SOX5: variants seen among roughly 807,000 people sequenced by gnomAD.
SOX5 encodes the protein transcription factor SOX-5.
SOX5 carries 9 observed loss-of-function variants against 92.0 expected under a neutral mutation model. That is an observed-to-expected ratio of 0.10 (90% CI 0.06 to 0.17). The LOEUF (loss-of-function observed/expected upper bound fraction) is 0.17, where lower values mean the gene tolerates loss of function less well. Among genes scored for constraint, SOX5 ranks in the 10% least tolerant of loss-of-function variants. The pLI is 1.00. For synonymous variants in SOX5, 344 were observed against 336.3 expected, an observed-to-expected ratio of 1.02 and a Z score of -0.25; for missense variants, 642 against 944.5, an observed-to-expected ratio of 0.68 and a Z score of 4.20.
intron 8 of SOX5, among the ~76,000 whole-genome samples, chr12:23,610,849 G>A (rs1334088182): frequency 6.6e-6 from 1 of 152,040 alleles, no homozygotes; most frequent in African/African-American, 2.4e-5. Context: ...CCAAAAATGG[G>A]TGAAGATTAT....
At chr12:24,062,833 T>C (rs1939992170) in intron 4 of SOX5, among the ~76,000 whole-genome samples, 1 of 152,214 alleles carries the variant, frequency 6.6e-6, no homozygotes, top group African/African-American at 2.4e-5. Context: ...GCAAGTTATT[T>C]TGTGTCTCAT....
At chr12:24,441,833 C>T (rs149297801) in intron 1 of SOX5, among the ~76,000 whole-genome samples, 1 of 152,024 alleles carries the variant, frequency 6.6e-6, no homozygotes, top group Non-Finnish European at 1.5e-5. Flanking sequence ...TCTGTTGGAA[C>T]GGCACTCTGC....
intron 4 of SOX5, among the ~76,000 whole-genome samples, chr12:24,095,120 C>CAGAG (rs1442826677): frequency 1.0e-3 from 103 of 102,122 alleles, no homozygotes; most frequent in East Asian, 2.7e-3. Flanking sequence ...CACACACACA[C>CAGAG]ACACACACAG....
At chr12:24,128,123 T>C (rs1204337776) in intron 4 of SOX5, among the ~76,000 whole-genome samples, 1 of 152,252 alleles carries the variant, frequency 6.6e-6, no homozygotes, top group Non-Finnish European at 1.5e-5. Flanking sequence ...CTCACCTTAA[T>C]AAACTTTCTC....
rs117515576 is a variant in SOX5, at chr12:24,291,955, G to A, written c.-173-14643C>T. Among the ~76,000 whole-genome samples, 8 of 152,294 alleles carry A rather than the reference G, an allele frequency of 5.3e-5. 1 individual carries two copies. The East Asian group carries it at 1.5e-3, about 29-fold the overall frequency. On this transcript the variant is annotated intron_variant, in intron 2 of 4. Transcript: ENST00000446891. ...CTGCATTTATGGATGGGTGGAGGTG[G>A]AAGTAACAATAACATACAGTTACAT...
At chr12:24,162,937 A>C (rs1015883151) in intron 4 of SOX5, among the ~76,000 whole-genome samples, 3 of 152,032 alleles carry the variant, frequency 2.0e-5, no homozygotes, top group Non-Finnish European at 4.4e-5. Context: ...CTTCAGTAGA[A>C]TTCATCTGGC....
At chr12:23,584,657 A>T (rs982159692) in intron 9 of SOX5, 2 of 1,405,858 alleles carry the variant, frequency 1.4e-6, no homozygotes, top group African/African-American at 2.8e-5. Flanking sequence ...TAAACCATGC[A>T]TTGGTTTATA....
chr12:24,122,602 C>A (rs144133186), intron 4 of SOX5, among the ~76,000 whole-genome samples: 1 of 152,214 alleles, frequency 6.6e-6, no homozygotes, highest in Admixed American at 6.5e-5. Context: ...TAATCTATAT[C>A]CTGTAAACAC....
intron 1 of SOX5, among the ~76,000 whole-genome samples, chr12:24,509,259 G>A (rs767385292): frequency 6.6e-6 from 1 of 152,126 alleles, no homozygotes; most frequent in Non-Finnish European, 1.5e-5. Flanking sequence ...AAAGTGTTCC[G>A]AAGATAGTAA....
intron 6 of SOX5, among the ~76,000 whole-genome samples, chr12:23,691,401 A>G (rs2088780503): frequency 6.6e-6 from 1 of 152,204 alleles, no homozygotes; most frequent in Admixed American, 6.5e-5. Context: ...ATAAATTAGA[A>G]GTTATTCTCT....
chr12:23,877,211 A>AT (rs1176903789), intron 2 of SOX5, among the ~76,000 whole-genome samples: 2 of 151,936 alleles, frequency 1.3e-5, no homozygotes, highest in Non-Finnish European at 2.9e-5. Flanking sequence ...TAAAGGACTT[A>AT]TTTTTTTCTT....
In SOX5 at chr12:24,442,022, C is replaced by T. The variant is rs532348373; in HGVS notation, c.-250-73383G>A. Among the ~76,000 whole-genome samples, 119 of 152,170 alleles carry T rather than the reference C, an allele frequency of 7.8e-4. No individual in the cohort carries two copies. In the South Asian group the frequency reaches 7.9e-3, roughly 10 times the overall value. On this transcript the variant is annotated intron_variant, in intron 1 of 4. Coordinates refer to the SOX5 transcript ENST00000446891. ...GTAACAGTAAACACGTAAGTCTAAA[C>T]AAGGTGTGAAAAATTGAACTATACG...
At chr12:23,757,193 C>T (rs1567518438) in intron 3 of SOX5, among the ~76,000 whole-genome samples, 1 of 151,748 alleles carries the variant, frequency 6.6e-6, no homozygotes, top group Non-Finnish European at 1.5e-5. Flanking sequence ...TGCACATTTA[C>T]CTACGGAATG....
intron 1 of SOX5, among the ~76,000 whole-genome samples, chr12:24,421,655 C>T (rs1240664829): frequency 2.6e-5 from 4 of 152,174 alleles, no homozygotes; most frequent in Non-Finnish European, 5.9e-5. Context: ...CAAACACATT[C>T]CTGTTTTCTT....
chr12:23,640,747 C>G, intron 8 of SOX5, 65 bp downstream of exon 8: 1 of 1,160,718 alleles, frequency 8.6e-7, no homozygotes, highest in Non-Finnish European at 1.3e-6. Flanking sequence ...TTTGCTTTAA[C>G]ACCATAATAG....
chr12:24,381,336 A>T (rs560542), intron 1 of SOX5, among the ~76,000 whole-genome samples: 3 of 152,002 alleles, frequency 2.0e-5, no homozygotes, highest in African/African-American at 7.3e-5. Flanking sequence ...GTTTCTTTCA[A>T]TTAGCAAACT....
chr12:24,058,165 T>C (rs1958310809), intron 4 of SOX5, among the ~76,000 whole-genome samples: 1 of 152,254 alleles, frequency 6.6e-6, no homozygotes, highest in Non-Finnish European at 1.5e-5. Context: ...ACCTCTTAAT[T>C]TTGCCATTGC....
intron 6 of SOX5, among the ~76,000 whole-genome samples, chr12:23,713,776 C>A (rs550744859): frequency 2.4e-4 from 36 of 147,434 alleles, no homozygotes; most frequent in African/African-American, 8.9e-4. Flanking sequence ...TAATCTATGA[C>A]TAGCATTATT....
chr12:23,639,303 T>C (rs1566606838), intron 8 of SOX5, among the ~76,000 whole-genome samples: 1 of 152,202 alleles, frequency 6.6e-6, no homozygotes, highest in East Asian at 1.9e-4. Flanking sequence ...GATTGTTGCT[T>C]AACATAGCTA....
Sources: gnomAD v4.1 joint callset for allele counts (sites outside exome capture counted in the v4.1 genomes callset) on GRCh38, gnomAD v4.1.1 for gene constraint, MANE v1.5 for transcripts, NCBI Gene and HGNC (gene_info 2026-07-23, HGNC 2026-07-21) for gene names.